CLIP2: variants seen among roughly 807,000 people sequenced by gnomAD.
CLIP2 encodes CAP-Gly domain-containing linker protein 2.
Under a neutral mutation model 111.7 loss-of-function variants are expected in CLIP2, and 41 were observed. The ratio of observed to expected loss-of-function variants is 0.37; its 90% CI spans 0.29 to 0.48. The LOEUF is 0.48. Ranked by LOEUF, CLIP2 falls within the 20% of genes least tolerant of loss-of-function variation. The pLI, the probability that CLIP2 is intolerant of heterozygous loss-of-function variation, is 0.99. For synonymous variants in CLIP2, 660 were observed against 644.2 expected, an observed-to-expected ratio of 1.02 and a Z score of -0.37; for missense variants, 1,160 against 1,422.1, an observed-to-expected ratio of 0.82 and a Z score of 2.96.
At chr7:74,334,807 C>T (rs1259127371) in intron 2 of CLIP2, among the ~76,000 whole-genome samples, 2 of 134,410 alleles carry the variant, frequency 1.5e-5, no homozygotes, top group Non-Finnish European at 3.2e-5. Context: ...GGCAAAACCC[C>T]GTCTCTAATA....
In CLIP2 at chr7:74,398,316, G is replaced by A. The variant is rs187663522; in HGVS notation, c.2880+1083G>A. ...GGAGGTTGGAGTGAGCTGAGATTGC[G>A]CCACTGCACTGCAGCCTGGGCGACA... On this transcript the variant is annotated intron_variant, in intron 14 of 16. Coordinates refer to ENST00000223398, the MANE Select transcript of CLIP2 (RefSeq NM_003388.5). Among the ~76,000 whole-genome samples, 119 of 151,922 alleles carry A rather than the reference G, an allele frequency of 7.8e-4. 1 individual carries two copies. Among genetic ancestry groups the A allele is most frequent in the South Asian group, 3.7e-3 (18 of 4,808 alleles).
At chr7:74,314,864 A>G (rs550519534) in intron 1 of CLIP2, among the ~76,000 whole-genome samples, 46 of 151,824 alleles carry the variant, frequency 3.0e-4, no homozygotes, top group African/African-American at 1.1e-3. Flanking sequence ...AGCCAGTCCC[A>G]TCTTGCTGCC....
chr7:74,336,851 GTTTTTTTTGTTTTTT>G (rs1564048924), intron 2 of CLIP2, among the ~76,000 whole-genome samples: 85 of 21,634 alleles, frequency 3.9e-3, no homozygotes, highest in African/African-American at 5.7e-3. Context: ...ATGGTTGTTT[GTTTTTTTTGTTTTTT>G]TTTTTTTTGT....
At chr7:74,315,347 C>T (rs1471461463) in intron 1 of CLIP2, among the ~76,000 whole-genome samples, 1 of 143,374 alleles carries the variant, frequency 7.0e-6, no homozygotes, top group Non-Finnish European at 1.5e-5. Flanking sequence ...GCAAGCATCA[C>T]ACACTTTTTT....
chr7:74,349,765 C>A (rs2116590155), intron 3 of CLIP2, among the ~76,000 whole-genome samples: 1 of 151,412 alleles, frequency 6.6e-6, no homozygotes, highest in African/African-American at 2.4e-5. Context: ...AGGCGTGCAC[C>A]ACCACGCCCC....
intron 13 of CLIP2, 27 bp from the exon 14 acceptor site, chr7:74,397,047 G>A: frequency 6.2e-7 from 1 of 1,610,182 alleles, no homozygotes; most frequent in Non-Finnish European, 8.5e-7. Flanking sequence ...GCTGAGTGCA[G>A]TGGTTCTGTG....
At chr7:74,334,823 C>A (rs1299227198) in intron 2 of CLIP2, among the ~76,000 whole-genome samples, 153 of 132,866 alleles carry the variant, frequency 1.2e-3, no homozygotes, top group Middle Eastern at 3.8e-3. Context: ...TAATAAAATA[C>A]AAAAAAAAAA....
intron 14 of CLIP2, among the ~76,000 whole-genome samples, chr7:74,397,648 G>A (rs1554316906): frequency 6.7e-6 from 1 of 150,122 alleles, no homozygotes; most frequent in African/African-American, 2.5e-5. Context: ...TGGGATTCTG[G>A]GTGGCTGAGT....
chr7:74,390,162 G>GAAGAAAGAAAGAAAGAAAGA (rs200256078), intron 13 of CLIP2, among the ~76,000 whole-genome samples: 35 of 85,006 alleles, frequency 4.1e-4, no homozygotes, highest in East Asian at 1.1e-3. Flanking sequence ...AAGAAAGAAA[G>GAAGAAAGAAAGAAAGAAAGA]AAGAAAGAAA....
chr7:74,388,922 C>T (rs1791196978), intron 12 of CLIP2, 181 bp from the exon 13 acceptor site: 1 of 608,510 alleles, frequency 1.6e-6, no homozygotes, highest in South Asian at 2.4e-5. Flanking sequence ...TGCCACTGTA[C>T]TCCAGTCTGG....
At chr7:74,329,486 A>G (rs1554731030) in intron 2 of CLIP2, among the ~76,000 whole-genome samples, 1 of 152,178 alleles carries the variant, frequency 6.6e-6, no homozygotes, top group African/African-American at 2.4e-5. Context: ...AAAGTCCTGC[A>G]GACAAGTACC....
At chr7:74,294,427 G>A (rs1441231019) in intron 1 of CLIP2, among the ~76,000 whole-genome samples, 1 of 152,170 alleles carries the variant, frequency 6.6e-6, no homozygotes, top group Non-Finnish European at 1.5e-5. Flanking sequence ...TCTACTTAAC[G>A]GCTTCTGTCT....
rs539599923 is a variant in CLIP2 at position 74,321,480 on chromosome 7, T to A, written c.121+3813T>A. 7.9e-5 allele frequency among the ~76,000 whole-genome samples: 12 copies of A among 151,836 alleles called. No individual in the cohort carries two copies. In the East Asian group the frequency reaches 2.1e-3, roughly 27 times the overall value. ...TTTATTTTATTTATTATTATTATTA[T>A]TTTTTTTGAGATACAGTCTCGCTCT... On this transcript the variant is annotated intron_variant, in intron 2 of 16. Transcript: ENST00000223398.
intron 2 of CLIP2, among the ~76,000 whole-genome samples, chr7:74,320,955 CG>C (rs1564036541): frequency 6.6e-6 from 1 of 151,478 alleles, no homozygotes; most frequent in Non-Finnish European, 1.5e-5. Flanking sequence ...TGGCGTGCAG[CG>C]AGAGAGTCTT....
intron 13 of CLIP2, among the ~76,000 whole-genome samples, chr7:74,390,715 C>T (rs1053163787): frequency 8.8e-6 from 1 of 114,046 alleles, no homozygotes; most frequent in African/African-American, 3.4e-5. Context: ...AAGTAGCATG[C>T]TTTTGATAAA....
At position 74,403,822 on chromosome 7, in the gene CLIP2, CT is replaced by C; in HGVS notation, c.3130-12del. On this transcript the variant is annotated splice_polypyrimidine_tract_variant and intron_variant, in intron 16 of 16. Coordinates refer to ENST00000223398, the MANE Select transcript of CLIP2 (RefSeq NM_003388.5). ...CTCTGAGACCCTTGCTGATGATGCCCTTTACTCTCTCTAGGACAAGCACTGA... is the reference window on the plus strand; with the variant it reads ...CTCTGAGACCCTTGCTGATGATGCCCTTACTCTCTCTAGGACAAGCACTGA... 6.2e-7 allele frequency: 1 copy of C among 1,613,220 alleles called. No homozygotes were observed.
At chr7:74,349,468 G>GTGTA (rs1194882801) in intron 3 of CLIP2, among the ~76,000 whole-genome samples, 1 of 61,778 alleles carries the variant, frequency 1.6e-5, no homozygotes, top group Non-Finnish European at 3.1e-5. Context: ...GTGTGTGTGT[G>GTGTA]TGTATATATA....
At chr7:74,354,923 T>A (rs1478847989) in intron 4 of CLIP2, among the ~76,000 whole-genome samples, 1 of 152,090 alleles carries the variant, frequency 6.6e-6, no homozygotes, top group Non-Finnish European at 1.5e-5. Flanking sequence ...GGGTTCCAGG[T>A]CTCACAGCAT....
intron 2 of CLIP2, among the ~76,000 whole-genome samples, chr7:74,321,752 G>A (rs1392869564): frequency 3.3e-5 from 5 of 151,832 alleles, no homozygotes; most frequent in African/African-American, 9.7e-5. Flanking sequence ...ATAGGTGTGA[G>A]CCACCGCGCC....
Sources: allele counts gnomAD v4.1 joint callset (sites outside exome capture counted in the v4.1 genomes callset), GRCh38; gene constraint gnomAD v4.1.1; transcripts MANE v1.5; gene names NCBI Gene and HGNC (gene_info 2026-07-23, HGNC 2026-07-21).